Variants in TYR observed in about 807,000 individuals in gnomAD.
The protein encoded by TYR is tyrosinase.
A neutral mutation model predicts 51.5 loss-of-function variants in TYR; 58 were observed. That is an observed-to-expected ratio of 1.13 (90% CI 0.91 to 1.40). The LOEUF (loss-of-function observed/expected upper bound fraction) is 1.40, where lower values mean the gene tolerates loss of function less well. TYR is among the 40% of genes most tolerant of loss of function. The probability of loss-of-function intolerance (pLI) is 0.00; values close to 1 mark genes in which losing one functional copy is unlikely to be tolerated. For synonymous variants in TYR, 263 were observed against 235.2 expected (o/e 1.12, Z -1.08); for missense variants, 732 against 647.4 (o/e 1.13, Z -1.42).
intron 3 of TYR, among the ~76,000 whole-genome samples, chr11:89,240,040 C>T (rs7933595): frequency 0.025 from 3,731 of 151,954 alleles, 163 homozygotes; most frequent in African/African-American, 0.086. Flanking sequence ...ATACATCTGT[C>T]GGGTCCATTT....
chr11:89,187,751 T>G (rs1413282579), intron 1 of TYR, among the ~76,000 whole-genome samples: 2 of 152,062 alleles, frequency 1.3e-5, no homozygotes, highest in Non-Finnish European at 2.9e-5. Context: ...GAATAATTGA[T>G]TTACTGTTAT....
Position 89,177,908 on chromosome 11 carries a change from C to A in TYR, c.-46C>A. The A allele has an allele frequency of 6.3e-7, 1 of 1,592,608 alleles. No individual in the cohort carries two copies. The highest frequency in any genetic ancestry group is 8.6e-7 in the Non-Finnish European group (1 of 1,162,492). On this transcript the variant is annotated 5_prime_UTR_variant, in exon 1 of 5. Coordinates refer to ENST00000263321, the MANE Select transcript of TYR (RefSeq NM_000372.5). ...AGTAGCTGGAAAGAGAAATCTGTGA[C>A]TCCAATTAGCCAGTTCCTGCAGACC...
chr11:89,196,285 G>T (rs1006363581), intron 2 of TYR, among the ~76,000 whole-genome samples: 1 of 152,078 alleles, frequency 6.6e-6, no homozygotes, highest in Non-Finnish European at 1.5e-5. Flanking sequence ...GGAAAAATAA[G>T]GGAAAGGGGA....
At chr11:89,272,710 C>A (rs1223537986) in intron 3 of TYR, among the ~76,000 whole-genome samples, 1 of 151,918 alleles carries the variant, frequency 6.6e-6, no homozygotes, top group Non-Finnish European at 1.5e-5. Context: ...GGCAATTTGT[C>A]TACCTTGAAA....
At chr11:89,266,537 A>G (rs1221028005) in intron 3 of TYR, among the ~76,000 whole-genome samples, 1 of 151,954 alleles carries the variant, frequency 6.6e-6, no homozygotes, top group African/African-American at 2.4e-5. Flanking sequence ...CAACAACAAC[A>G]ACAAAATCCA....
intron 1 of TYR, among the ~76,000 whole-genome samples, chr11:89,183,566 ATACT>A (rs887014101): frequency 1.6e-4 from 24 of 152,218 alleles, no homozygotes; most frequent in African/African-American, 5.8e-4. Context: ...GTGAACTTTC[ATACT>A]TACTTAGCTA....
chr11:89,227,885 C>A lies in TYR; in HGVS notation c.1099C>A (p.His367Asn). Residue 367 changes from histidine (H) to asparagine (N), a missense_variant, in exon 3 of 5, where the codon CAC (histidine) becomes AAC (asparagine). By Grantham distance (68) the His-to-Asn change is moderately conservative (BLOSUM62 1). Transcript: ENST00000263321. ...ASQSSMHNAL[H>N]IYMNGTMSQV... The stretch of plus-strand genomic sequence containing the variant: ...TCAAAGCAGCATGCACAATGCCTTG[C>A]ACATCTATATGAATGGAACAATGTC... The A allele has an allele frequency of 6.2e-7, 1 of 1,613,376 alleles. No individual in the cohort carries two copies. The highest frequency in any genetic ancestry group is 1.3e-5 in the African/African-American group (1 of 74,962).
Position 89,268,312 on chromosome 11 carries a change from A to G in TYR, c.1185-16461A>G, listed in dbSNP as rs536228674. Among the ~76,000 whole-genome samples the G allele has an allele frequency of 2.3e-4, 35 of 152,004 alleles. No individual in the cohort carries two copies. In the East Asian group the frequency reaches 5.6e-3, roughly 25 times the overall value. On this transcript the variant is annotated intron_variant, in intron 3 of 4. Transcript: ENST00000263321. ...TTGGAGAAATAAATATGATATATAT[A>G]TATATCAAAATTCTCAGCATAGCAC... is the stretch of plus-strand genomic sequence containing the variant.
intron 2 of TYR, among the ~76,000 whole-genome samples, chr11:89,209,010 C>G (rs576475507): frequency 5.8e-4 from 89 of 152,266 alleles, no homozygotes; most frequent in African/African-American, 2.0e-3. Flanking sequence ...GTCTACATCT[C>G]CCAGGGAGAT....
chr11:89,222,751 T>A (rs1943928763), intron 2 of TYR, among the ~76,000 whole-genome samples: 1 of 151,936 alleles, frequency 6.6e-6, no homozygotes, highest in South Asian at 2.1e-4. Context: ...AAAAAAAAAA[T>A]TCTATTGTTG....
chr11:89,243,814 A>G (rs1031298728), intron 3 of TYR, among the ~76,000 whole-genome samples: 1 of 152,150 alleles, frequency 6.6e-6, no homozygotes, highest in African/African-American at 2.4e-5. Context: ...AAATTCAGTA[A>G]CCATTAAAAT....
At chr11:89,235,435 T>C (rs1369820895) in intron 3 of TYR, among the ~76,000 whole-genome samples, 1 of 152,164 alleles carries the variant, frequency 6.6e-6, no homozygotes, top group Non-Finnish European at 1.5e-5. Flanking sequence ...GTGTCCATAA[T>C]TGGGCAAATG....
intron 2 of TYR, among the ~76,000 whole-genome samples, chr11:89,212,154 A>G (rs1016864020): frequency 6.6e-6 from 1 of 152,212 alleles, no homozygotes; most frequent in African/African-American, 2.4e-5. Context: ...TGAATCCACG[A>G]GCTGTTTTTT....
intron 2 of TYR, among the ~76,000 whole-genome samples, chr11:89,219,646 T>G (rs2135275817): frequency 6.6e-6 from 1 of 152,244 alleles, no homozygotes; most frequent in Non-Finnish European, 1.5e-5. Flanking sequence ...CCACAAATTC[T>G]TACAATCTAG....
In TYR at chr11:89,178,688, C is replaced by T; in HGVS notation, c.735C>T (p.Asp245=). The T allele has an allele frequency of 1.2e-6, 2 of 1,613,976 alleles. No individual in the cohort carries two copies. Among genetic ancestry groups the T allele is most frequent in the Non-Finnish European group, 1.7e-6 (2 of 1,179,918 alleles). The change falls in exon 1 of 5, where the codon GAC becomes GAT. Residue 245 remains aspartate (D), a synonymous_variant. Transcript: ENST00000263321. ...YWDWRDAEKC[D]ICTDEYMGGQ... The stretch of plus-strand genomic sequence containing the variant: ...ACTGGCGGGATGCAGAAAAGTGTGA[C>T]ATTTGCACAGATGAGTACATGGGAG...
chr11:89,200,538 T>G (rs1166035641), intron 2 of TYR: 1 of 144,370 alleles, frequency 6.9e-6, no homozygotes, highest in African/African-American at 2.8e-5. Context: ...ATGTGGGTTA[T>G]ATTTATGACT....
At chr11:89,254,993 G>C (rs1240935184) in intron 3 of TYR, among the ~76,000 whole-genome samples, 1 of 151,588 alleles carries the variant, frequency 6.6e-6, no homozygotes, top group Non-Finnish European at 1.5e-5. Flanking sequence ...GAATTCCAGA[G>C]GTTTTGATAG....
chr11:89,224,792 C>A (rs571811162), intron 2 of TYR, among the ~76,000 whole-genome samples: 1 of 152,134 alleles, frequency 6.6e-6, no homozygotes, highest in African/African-American at 2.4e-5. Flanking sequence ...GTGTTGCCAA[C>A]ATGTATAACT....
intron 3 of TYR, among the ~76,000 whole-genome samples, chr11:89,283,172 C>A (rs1421126544): frequency 1.3e-5 from 2 of 151,746 alleles, no homozygotes; most frequent in African/African-American, 4.8e-5. Context: ...ATTTGGTATG[C>A]ATGGACCAGA....
Sources: allele counts gnomAD v4.1 joint callset (sites outside exome capture counted in the v4.1 genomes callset), GRCh38; gene constraint gnomAD v4.1.1; transcripts MANE v1.5; gene names NCBI Gene and HGNC (gene_info 2026-07-23, HGNC 2026-07-21).